GLRA3: variants seen among roughly 807,000 people sequenced by gnomAD.
GLRA3 encodes glycine receptor alpha 3.
In GLRA3, 44 loss-of-function variants were observed where a neutral mutation model predicts 60.4. That is an observed-to-expected ratio of 0.73 (90% CI 0.57 to 0.94). GLRA3 has a LOEUF of 0.94. GLRA3 is among the 40% of genes least tolerant of loss of function. The pLI is 0.00. For synonymous variants in GLRA3, 223 were observed against 192.9 expected (o/e 1.16, Z -1.29); for missense variants, 508 against 564.6 (o/e 0.90, Z 1.02).
At chr4:174,651,088 T>A (rs545872913) in intron 9 of GLRA3, among the ~76,000 whole-genome samples, 2 of 152,320 alleles carry the variant, frequency 1.3e-5, no homozygotes, top group South Asian at 4.1e-4. Context: ...CTGAATATAC[T>A]ATTAAGGGCT....
intron 1 of GLRA3, among the ~76,000 whole-genome samples, chr4:174,821,834 T>C (rs546190857): frequency 6.6e-6 from 1 of 152,278 alleles, no homozygotes; most frequent in East Asian, 1.9e-4. Context: ...TCTAAGGAGA[T>C]TGTTTGATCC....
intron 2 of GLRA3, among the ~76,000 whole-genome samples, chr4:174,784,520 T>C (rs1739041224): frequency 6.7e-6 from 1 of 150,012 alleles, no homozygotes; most frequent in African/African-American, 2.5e-5. Context: ...CCTAATAACA[T>C]CAAAACTTAG....
At chr4:174,753,860 T>C (rs13126499) in intron 3 of GLRA3, among the ~76,000 whole-genome samples, 27,798 of 152,122 alleles carry the variant, frequency 0.18, 2,993 homozygotes, top group Admixed American at 0.25. Context: ...AAAATGCAAT[T>C]TTTAAATTTA....
At chr4:174,773,580 T>A (rs1415032497) in intron 2 of GLRA3, among the ~76,000 whole-genome samples, 1 of 152,214 alleles carries the variant, frequency 6.6e-6, no homozygotes, top group African/African-American at 2.4e-5. Context: ...AGATTAAATT[T>A]CAAAATAATT....
intron 1 of GLRA3, among the ~76,000 whole-genome samples, chr4:174,791,007 A>C (rs1579614706): frequency 1.3e-5 from 2 of 150,954 alleles, no homozygotes; most frequent in Non-Finnish European, 3.0e-5. Flanking sequence ...CCATCTCAAA[A>C]AAAAAAAAAA....
intron 1 of GLRA3, among the ~76,000 whole-genome samples, chr4:174,827,169 TA>T (rs1173353797): frequency 1.3e-5 from 2 of 151,998 alleles, no homozygotes; most frequent in Non-Finnish European, 2.9e-5. Context: ...TTAAAAAAGA[TA>T]AATTCTTATA....
chr4:174,702,213 A>T (rs1388262038), intron 5 of GLRA3, among the ~76,000 whole-genome samples: 2 of 152,182 alleles, frequency 1.3e-5, no homozygotes, highest in Non-Finnish European at 2.9e-5. Context: ...TCAATCAGCA[A>T]CCATCAACAC....
chr4:174,780,832 C>G (rs555292785), intron 2 of GLRA3, among the ~76,000 whole-genome samples: 1 of 152,272 alleles, frequency 6.6e-6, no homozygotes, highest in African/African-American at 2.4e-5. Context: ...GAGTGACCTA[C>G]AAAGAGACGT....
intron 7 of GLRA3, among the ~76,000 whole-genome samples, chr4:174,666,923 G>A (rs1202038961): frequency 3.3e-5 from 5 of 151,790 alleles, no homozygotes; most frequent in Non-Finnish European, 7.4e-5. Flanking sequence ...TGAGGGGTTT[G>A]TCATAGGGAG....
chr4:174,818,096 T>G (rs571302368), intron 1 of GLRA3, among the ~76,000 whole-genome samples: 1 of 152,302 alleles, frequency 6.6e-6, no homozygotes, highest in Admixed American at 6.5e-5. Context: ...GAAAAGTCAC[T>G]CAGTTCTTCA....
At position 174,787,251 on chromosome 4, in the gene GLRA3, G is replaced by T. The variant is rs1739159446; in HGVS notation, c.199+1565C>A. The stretch of plus-strand genomic sequence containing the variant: ...AAATATTCACAGACATTTAAAAATA[G>T]AATGCATTTTCTTCTTTAATTTTCA... On this transcript the variant is annotated intron_variant, in intron 2 of 9. Transcript: ENST00000274093. Among the ~76,000 whole-genome samples, 3 of 152,036 alleles carry T rather than the reference G, an allele frequency of 2.0e-5. No individual in the cohort carries two copies. In the South Asian group the frequency reaches 6.2e-4, roughly 31 times the overall value.
intron 9 of GLRA3, among the ~76,000 whole-genome samples, chr4:174,651,255 A>G (rs1430095250): frequency 6.6e-6 from 1 of 152,180 alleles, no homozygotes; most frequent in African/African-American, 2.4e-5. Context: ...GCTTAAACGG[A>G]TATTGGAATG....
chr4:174,664,650 C>T (rs1202175104), intron 7 of GLRA3, among the ~76,000 whole-genome samples: 2 of 152,148 alleles, frequency 1.3e-5, no homozygotes, highest in Non-Finnish European at 2.9e-5. Context: ...AGTCCCTCAG[C>T]GATATCCTTG....
intron 9 of GLRA3, among the ~76,000 whole-genome samples, chr4:174,646,258 T>C (rs939148664): frequency 3.3e-5 from 5 of 152,250 alleles, no homozygotes; most frequent in Non-Finnish European, 7.3e-5. Flanking sequence ...TTAAAATCTT[T>C]AGAGACCTTA....
At chr4:174,670,474 G>T (rs1470393542) in intron 7 of GLRA3, among the ~76,000 whole-genome samples, 2 of 152,126 alleles carry the variant, frequency 1.3e-5, no homozygotes, top group South Asian at 4.1e-4. Flanking sequence ...TGGGGACTCA[G>T]GGTACGATTC....
At chr4:174,668,581 G>A (rs1416582146) in intron 7 of GLRA3, among the ~76,000 whole-genome samples, 1 of 152,132 alleles carries the variant, frequency 6.6e-6, no homozygotes, top group Non-Finnish European at 1.5e-5. Flanking sequence ...TATATTTGAT[G>A]TGGCTAGCTA....
In GLRA3 at chr4:174,755,799, G is replaced by A. The variant is rs1246696494; in HGVS notation, c.267+11164C>T. Among the ~76,000 whole-genome samples, 12 of 152,046 alleles carry A rather than the reference G, an allele frequency of 7.9e-5. No homozygotes were observed. In the East Asian group the frequency reaches 2.3e-3, roughly 29 times the overall value. ...AAAGAACAAATGAAGAGACAAAAAC[G>A]AACTATTATTATTCATAGAAGATAA... On this transcript the variant is annotated intron_variant, in intron 3 of 9. Transcript: ENST00000274093.
rs1398309003 is a variant in GLRA3, at chr4:174,782,251, T to C, written c.199+6565A>G. 3.3e-5 allele frequency among the ~76,000 whole-genome samples: 5 copies of C among 151,028 alleles called. No homozygotes were observed. In the East Asian group the frequency reaches 9.7e-4, roughly 29 times the overall value. On this transcript the variant is annotated intron_variant, in intron 2 of 9. Transcript: ENST00000274093. ...ATCTCAATAGATGCAGAAAAAGCCT[T>C]TGACAAAATTCAACAACCCTTCATG...
intron 5 of GLRA3, among the ~76,000 whole-genome samples, chr4:174,694,320 T>C (rs889967143): frequency 7.9e-5 from 12 of 152,106 alleles, no homozygotes; most frequent in African/African-American, 2.7e-4. Context: ...TACCCTAAAA[T>C]TGACCATGTA....
Sources: gnomAD v4.1 joint callset for allele counts (sites outside exome capture counted in the v4.1 genomes callset) on GRCh38, gnomAD v4.1.1 for gene constraint, MANE v1.5 for transcripts, NCBI Gene and HGNC (gene_info 2026-07-23, HGNC 2026-07-21) for gene names.